The following STAT4 variants were observed in gnomAD, a reference collection of about 807,000 sequenced individuals.
The protein encoded by STAT4 is signal transducer and activator of transcription 4.
A neutral mutation model predicts 110.5 loss-of-function variants in STAT4; 42 were observed. The observed-to-expected ratio is 0.38, with a 90% CI of 0.30 to 0.49. The LOEUF (loss-of-function observed/expected upper bound fraction) is 0.49, where lower values mean the gene tolerates loss of function less well. Ranked by LOEUF, STAT4 falls within the 20% of genes least tolerant of loss-of-function variation. The pLI is 0.95. For missense variants in STAT4, 632 were observed against 887.9 expected (o/e 0.71, Z 3.66); for synonymous variants, 284 against 302.2 (o/e 0.94, Z 0.63).
At chr2:191,065,608 C>T (rs1257125973) in intron 7 of STAT4, among the ~76,000 whole-genome samples, 1 of 152,098 alleles carries the variant, frequency 6.6e-6, no homozygotes, top group African/African-American at 2.4e-5. Context: ...AATAAGATGT[C>T]ATGCATAAAA....
chr2:191,134,406 A>T (rs1411566950), intron 3 of STAT4, among the ~76,000 whole-genome samples: 1 of 152,122 alleles, frequency 6.6e-6, no homozygotes, highest in African/African-American at 2.4e-5. Context: ...TGGACTTGCT[A>T]ACACTGGTGC....
chr2:191,069,310 G>A (rs890069607), intron 6 of STAT4, among the ~76,000 whole-genome samples: 28 of 151,872 alleles, frequency 1.8e-4, no homozygotes, highest in African/African-American at 6.5e-4. Context: ...AATACTACTT[G>A]TAATTCTCTG....
intron 3 of STAT4, chr2:191,131,422 G>C (rs1410578959): frequency 6.4e-6 from 1 of 157,076 alleles, no homozygotes; most frequent in Non-Finnish European, 1.4e-5. Flanking sequence ...CTGTATGGAT[G>C]AATGTCAGGA....
At position 191,119,946 on chromosome 2, in the gene STAT4, A is replaced by G. The variant is rs113934809; in HGVS notation, c.273+26667T>C. 9.4e-3 allele frequency among the ~76,000 whole-genome samples: 1,434 copies of G among 152,308 alleles called. 12 individuals are homozygous for G. Among genetic ancestry groups the G allele is most frequent in the Non-Finnish European group, 0.014 (944 of 68,014 alleles). On this transcript the variant is annotated intron_variant, in intron 3 of 23. Transcript: ENST00000392320. Reference sequence around the variant, plus strand: ...GAAATGGCTCTGGGTCAATTAGATAACCACATGGATCACTTATTAGCCTTT... The same window carrying G: ...GAAATGGCTCTGGGTCAATTAGATAGCCACATGGATCACTTATTAGCCTTT...
Position 191,053,889 on chromosome 2 carries a change from G to C in STAT4, c.1251+601C>G, listed in dbSNP as rs889540239. Among the ~76,000 whole-genome samples the C allele has an allele frequency of 6.6e-6, 1 of 152,160 alleles. No individual in the cohort carries two copies. Among genetic ancestry groups the C allele is most frequent in the Admixed American group, 6.5e-5 (1 of 15,276 alleles). On this transcript the variant is annotated intron_variant, in intron 14 of 23. Coordinates refer to ENST00000392320, the MANE Select transcript of STAT4 (RefSeq NM_003151.4). This position sits in a 1 kb window ranked among gnomAD's most constrained non-coding sequence, Gnocchi z 4.5. ...CACGCCTATAATCCCAGCATTTTGG[G>C]AGACAAGGTGGGTGGATCACTTGAG... is the stretch of plus-strand genomic sequence containing the variant.
intron 3 of STAT4, among the ~76,000 whole-genome samples, chr2:191,123,512 C>T (rs1698795518): frequency 6.6e-6 from 1 of 152,160 alleles, no homozygotes; most frequent in South Asian, 2.1e-4. Context: ...AATACAGATG[C>T]TTCTCCACTC....
In STAT4 at chr2:191,118,010, T is replaced by C. The variant is rs947405859; in HGVS notation, c.273+28603A>G. Among the ~76,000 whole-genome samples the C allele has an allele frequency of 2.6e-5, 4 of 152,340 alleles. No homozygotes were observed. In the East Asian group the frequency reaches 5.8e-4, roughly 22 times the overall value. On this transcript the variant is annotated intron_variant, in intron 3 of 23. Coordinates refer to ENST00000392320, the MANE Select transcript of STAT4 (RefSeq NM_003151.4). ...ACCAAATGCAACAAACCAATGCTTCTATCAAAATAAATCAGACCTGGCGTT... is the reference window on the plus strand; with the variant it reads ...ACCAAATGCAACAAACCAATGCTTCCATCAAAATAAATCAGACCTGGCGTT...
chr2:191,090,269 A>T lies in STAT4; in HGVS notation c.274-13944T>A, dbSNP rs1247363390. 1.3e-5 allele frequency among the ~76,000 whole-genome samples: 2 copies of T among 152,074 alleles called. No individual in the cohort carries two copies. Among genetic ancestry groups the T allele is most frequent in the African/African-American group, 4.8e-5 (2 of 41,432 alleles). Reference sequence around the variant, plus strand: ...ATTTTCTGAAATTGTCTTACTAAAAAGTTTCAGTTCTCATATGCCCTCCTT... The same window carrying T: ...ATTTTCTGAAATTGTCTTACTAAAATGTTTCAGTTCTCATATGCCCTCCTT... On this transcript the variant is annotated intron_variant, in intron 3 of 23. Transcript: ENST00000392320. The surrounding 1 kb of genome is among the most constrained non-coding windows in gnomAD (Gnocchi z 4.2).
At chr2:191,141,614 C>CAT (rs34244963) in intron 3 of STAT4, among the ~76,000 whole-genome samples, 4 of 146,242 alleles carry the variant, frequency 2.7e-5, no homozygotes, top group African/African-American at 1.0e-4. Context: ...TACACACACA[C>CAT]ATATATATAT....
chr2:191,056,762 T>C (rs1299282149), intron 13 of STAT4, among the ~76,000 whole-genome samples: 2 of 150,328 alleles, frequency 1.3e-5, no homozygotes, highest in Admixed American at 1.4e-4. Flanking sequence ...CAATAAATTA[T>C]TGTTCCCTTC....
At position 191,110,390 on chromosome 2, in the gene STAT4, C is replaced by T. The variant is rs1475976754; in HGVS notation, c.274-34065G>A. ...GGGGAATAACATTTGTAAATGTCTT[C>T]TATATGCCTTGTGCTCGCACATATC... On this transcript the variant is annotated intron_variant, in intron 3 of 23. Coordinates refer to ENST00000392320, the MANE Select transcript of STAT4 (RefSeq NM_003151.4). The surrounding 1 kb of genome is among the most constrained non-coding windows in gnomAD (Gnocchi z 4.5). Among the ~76,000 whole-genome samples, 25 of 152,152 alleles carry T rather than the reference C, an allele frequency of 1.6e-4. 2 individuals are homozygous for T. Among genetic ancestry groups the T allele is most frequent in the Admixed American group, 1.6e-3 (24 of 15,272 alleles).
rs542752958 is a variant in STAT4 at position 191,105,459 on chromosome 2, C to T, written c.274-29134G>A. On this transcript the variant is annotated intron_variant, in intron 3 of 23. Coordinates refer to ENST00000392320, the MANE Select transcript of STAT4 (RefSeq NM_003151.4). ...AGGTGGTCTTTACAGCTATAGACTC[C>T]TCTCTCCTGATTATGAGTACATCAG... Among the ~76,000 whole-genome samples the T allele has an allele frequency of 1.2e-4, 19 of 152,278 alleles. No homozygotes were observed. The South Asian group carries it at 1.5e-3, about 12-fold the overall frequency.
chr2:191,097,938 A>G (rs1230460852), intron 3 of STAT4, among the ~76,000 whole-genome samples: 1 of 152,144 alleles, frequency 6.6e-6, no homozygotes, highest in African/African-American at 2.4e-5. Flanking sequence ...CCAACCTATC[A>G]AAAAGTGGGC....
Position 191,032,561 on chromosome 2 carries a change from C to A in STAT4, c.2044+397G>T, listed in dbSNP as rs952520551. 6.6e-6 allele frequency among the ~76,000 whole-genome samples: 1 copy of A among 152,106 alleles called. No individual in the cohort carries two copies. The highest frequency in any genetic ancestry group is 2.4e-5 in the African/African-American group (1 of 41,400). ...TATAAAACTTATAAACCCTGGGGTT[C>A]CTTTGCAATATACAGACTTGTTTTA... On this transcript the variant is annotated intron_variant, in intron 21 of 23. Transcript: ENST00000392320. This position sits in a 1 kb window ranked among gnomAD's most constrained non-coding sequence, Gnocchi z 4.9.
chr2:191,143,038 C>CAA lies in STAT4; in HGVS notation c.273+3573_273+3574dup, dbSNP rs1332564757. On this transcript the variant is annotated intron_variant, in intron 3 of 23. Transcript: ENST00000392320. The surrounding 1 kb of genome is among the most constrained non-coding windows in gnomAD (Gnocchi z 5.6). Reference sequence around the variant, plus strand: ...CTGTCACAAATGTATGCTACCAATGCAAGACATGAATAATAGGTGAAACTG... The same window carrying CAA: ...CTGTCACAAATGTATGCTACCAATGCAAAAGACATGAATAATAGGTGAAACTG... Among the ~76,000 whole-genome samples, 1 of 152,026 alleles carries CAA rather than the reference C, an allele frequency of 6.6e-6. No homozygotes were observed. Among genetic ancestry groups the CAA allele is most frequent in the Non-Finnish European group, 1.5e-5 (1 of 67,994 alleles).
At position 191,130,746 on chromosome 2, in the gene STAT4, T is replaced by A. The variant is rs185972653; in HGVS notation, c.273+15867A>T. 2.0e-5 allele frequency among the ~76,000 whole-genome samples: 3 copies of A among 151,858 alleles called. No homozygotes were observed. In the East Asian group the frequency reaches 5.8e-4, roughly 29 times the overall value. The stretch of plus-strand genomic sequence containing the variant: ...TTCCGTGATTTCTTTTAATTTGTGG[T>A]GAGCTTATCTGTGCATTTAAAAGCC... On this transcript the variant is annotated intron_variant, in intron 3 of 23. Transcript: ENST00000392320.
chr2:191,137,099 T>C (rs1023251240), intron 3 of STAT4, among the ~76,000 whole-genome samples: 8 of 152,162 alleles, frequency 5.3e-5, no homozygotes, highest in Non-Finnish European at 1.0e-4. Flanking sequence ...TCCCAGGACT[T>C]TGGGAGGCCA....
chr2:191,041,566 C>T (rs1199837097), intron 14 of STAT4: 1 of 152,240 alleles, frequency 6.6e-6, no homozygotes, highest in Non-Finnish European at 1.5e-5. Context: ...TGCAAGACCT[C>T]CTTCTGGTTT....
intron 3 of STAT4, among the ~76,000 whole-genome samples, chr2:191,084,394 T>C (rs1697577449): frequency 6.6e-6 from 1 of 152,212 alleles, no homozygotes; most frequent in Non-Finnish European, 1.5e-5. Flanking sequence ...GCTCTGCACC[T>C]GGTACATAAT....
Sources: allele counts gnomAD v4.1 joint callset (sites outside exome capture counted in the v4.1 genomes callset), GRCh38; gene constraint gnomAD v4.1.1; non-coding constraint Gnocchi (gnomAD v3.1); transcripts MANE v1.5; gene names NCBI Gene and HGNC (gene_info 2026-07-23, HGNC 2026-07-21).